The following UPP2 variants were observed in gnomAD, a reference collection of about 807,000 sequenced individuals.
UPP2 encodes uridine phosphorylase 2, also known as UPase 2.
In UPP2, 23 loss-of-function variants were observed where a neutral mutation model predicts 26.7. That is an observed-to-expected ratio of 0.86 (90% confidence interval 0.62 to 1.22). The LOEUF is 1.22. Ranked by LOEUF, UPP2 falls within the 50% of genes most tolerant of loss-of-function variation. UPP2 has a pLI of 0.00. For synonymous variants in UPP2, 127 were observed against 141.3 expected (o/e 0.90, Z 0.72); for missense variants, 387 against 396.7 (o/e 0.98, Z 0.21).
intron 3 of UPP2, among the ~76,000 whole-genome samples, chr2:158,020,162 T>G (rs1026283426): frequency 1.3e-5 from 2 of 152,216 alleles, no homozygotes; most frequent in African/African-American, 4.8e-5. Flanking sequence ...GCACTTGCTG[T>G]GGAAATCCCC....
At chr2:158,098,441 T>C (rs1418262180), upstream of UPP2, among the ~76,000 whole-genome samples, 1 of 152,078 alleles carries the variant, frequency 6.6e-6, no homozygotes, top group East Asian at 1.9e-4. Context: ...GCCAGCATAA[T>C]GCTCCCTTAG....
At chr2:158,126,074 G>GT (rs1182158088) in intron 6 of UPP2, among the ~76,000 whole-genome samples, 1 of 152,228 alleles carries the variant, frequency 6.6e-6, no homozygotes, top group Non-Finnish European at 1.5e-5. Context: ...GCCAAGAAGA[G>GT]TTCTAGGCTT....
intron 2 of UPP2, among the ~76,000 whole-genome samples, chr2:158,009,903 C>T (rs888924893): frequency 2.0e-5 from 3 of 152,182 alleles, no homozygotes; most frequent in African/African-American, 4.8e-5. Context: ...TTTCTAAAAA[C>T]GTGGCTACCT....
At chr2:158,108,887 CGTGTGTGTGT>C (rs748328980) in intron 2 of UPP2, among the ~76,000 whole-genome samples, 166 of 133,124 alleles carry the variant, frequency 1.2e-3, no homozygotes, top group Middle Eastern at 3.9e-3. Context: ...GAGGCAAAAG[CGTGTGTGTGT>C]GTGTGTGTGT....
intron 3 of UPP2, among the ~76,000 whole-genome samples, chr2:158,067,329 G>A (rs1259289263): frequency 1.4e-5 from 2 of 146,802 alleles, no homozygotes; most frequent in Admixed American, 6.8e-5. Context: ...CTTAGTGTGA[G>A]AGCTTAAACA....
chr2:158,043,881 C>T (rs1037058565), intron 3 of UPP2, among the ~76,000 whole-genome samples: 1 of 152,186 alleles, frequency 6.6e-6, no homozygotes, highest in Non-Finnish European at 1.5e-5. Context: ...CTTATCATCA[C>T]CTGTATGACT....
At chr2:158,075,303 A>G (rs1395988763) in intron 3 of UPP2, among the ~76,000 whole-genome samples, 1 of 152,056 alleles carries the variant, frequency 6.6e-6, no homozygotes, top group Non-Finnish European at 1.5e-5. Flanking sequence ...AGGGAATAGT[A>G]TAAATGTAAA....
At chr2:158,096,404 G>T (rs1462620302) in intron 3 of UPP2, among the ~76,000 whole-genome samples, 1 of 152,120 alleles carries the variant, frequency 6.6e-6, no homozygotes, top group African/African-American at 2.4e-5. Context: ...TTCGAGACCA[G>T]CCTGGCCAAC....
chr2:158,062,767 C>T (rs1253087929), intron 3 of UPP2, among the ~76,000 whole-genome samples: 2 of 152,142 alleles, frequency 1.3e-5, no homozygotes, highest in Non-Finnish European at 2.9e-5. Flanking sequence ...AGAGGACTAT[C>T]CAATGGATGA....
intron 6 of UPP2, among the ~76,000 whole-genome samples, chr2:158,127,679 G>T (rs1420497972): frequency 4.6e-5 from 7 of 152,240 alleles, no homozygotes; most frequent in Non-Finnish European, 1.0e-4. Context: ...TACAACCTCT[G>T]GGTCTGTCAA....
intron 6 of UPP2, 149 bp downstream of exon 6, chr2:158,124,044 T>G: frequency 2.4e-6 from 2 of 844,050 alleles, no homozygotes; most frequent in Non-Finnish European, 3.4e-6. Flanking sequence ...TATCTCATAA[T>G]ATCTTGTGAG....
chr2:157,996,778 A>C (rs1032772563), intron 2 of UPP2, among the ~76,000 whole-genome samples: 3 of 152,198 alleles, frequency 2.0e-5, no homozygotes, highest in Admixed American at 6.5e-5. Flanking sequence ...TTCAATGAGA[A>C]GTTTAATAGG....
intron 3 of UPP2, among the ~76,000 whole-genome samples, chr2:158,084,935 C>T (rs576173966): frequency 6.6e-6 from 1 of 152,128 alleles, no homozygotes; most frequent in South Asian, 2.1e-4. Flanking sequence ...TGTGATGCCT[C>T]CAGATTTGTT....
intron 3 of UPP2, among the ~76,000 whole-genome samples, chr2:158,083,412 G>A (rs1682759452): frequency 6.6e-6 from 1 of 152,082 alleles, no homozygotes; most frequent in Admixed American, 6.6e-5. Flanking sequence ...GCAGGGACAT[G>A]GATGAAGCTG....
chr2:158,012,263 C>CTTTTTTTTT (rs34807293), intron 2 of UPP2, among the ~76,000 whole-genome samples: 3 of 81,586 alleles, frequency 3.7e-5, no homozygotes, highest in Non-Finnish European at 4.6e-5. Context: ...TTGTTTCTAC[C>CTTTTTTTTT]TTTTTTTTTT....
At position 158,004,804 on chromosome 2, in the gene UPP2, T is replaced by A. The variant is rs536406162; in HGVS notation, c.61+9545T>A. On this transcript the variant is annotated intron_variant, in intron 2 of 9. Transcript: ENST00000605860. Reference sequence around the variant, plus strand: ...TTTTAGTAACCTTTTGAGCCTTGGTTCCCATATATCAAAAATGGAGATAAT... The same window carrying A: ...TTTTAGTAACCTTTTGAGCCTTGGTACCCATATATCAAAAATGGAGATAAT... Among the ~76,000 whole-genome samples the A allele has an allele frequency of 2.1e-4, 32 of 152,350 alleles. 1 individual carries two copies. The South Asian group carries it at 6.4e-3, about 31-fold the overall frequency.
chr2:158,104,971 G>A (rs1168508459), intron 1 of UPP2, among the ~76,000 whole-genome samples: 2 of 71,690 alleles, frequency 2.8e-5, no homozygotes, highest in Non-Finnish European at 4.8e-5. Flanking sequence ...GGAAGGGAAG[G>A]GAAGGGAAGA....
intron 3 of UPP2, among the ~76,000 whole-genome samples, chr2:158,040,664 G>T (rs1297089671): frequency 6.6e-6 from 1 of 152,184 alleles, no homozygotes; most frequent in Admixed American, 6.5e-5. Context: ...ATCTAATAGT[G>T]ATTACCCCTC....
intron 2 of UPP2, among the ~76,000 whole-genome samples, chr2:158,112,282 A>G (rs10174157): frequency 0.58 from 87,528 of 151,882 alleles, 25,917 homozygotes; most frequent in African/African-American, 0.68. Flanking sequence ...GAACAGAACC[A>G]AGAGACCAGA....
Sources: gnomAD v4.1 joint callset for allele counts (sites outside exome capture counted in the v4.1 genomes callset) on GRCh38, gnomAD v4.1.1 for gene constraint, MANE v1.5 for transcripts, NCBI Gene and HGNC (gene_info 2026-07-23, HGNC 2026-07-21) for gene names.